The following KMT2C variants were observed in gnomAD, a reference collection of about 807,000 sequenced individuals.
KMT2C encodes histone-lysine N-methyltransferase 2C.
KMT2C carries 88 observed loss-of-function variants against 507.9 expected under a neutral mutation model. The ratio of observed to expected loss-of-function variants is 0.17; its 90% CI spans 0.15 to 0.21. The LOEUF (loss-of-function observed/expected upper bound fraction) is 0.21, where lower values mean the gene tolerates loss of function less well. Among genes scored for constraint, KMT2C ranks in the 10% least tolerant of loss-of-function variants. The pLI is 1.00. For missense variants in KMT2C, 4,954 were observed against 5,957.8 expected, an observed-to-expected ratio of 0.83 and a Z score of 5.55; for synonymous variants, 2,049 against 2,080.8, an observed-to-expected ratio of 0.98 and a Z score of 0.42.
chr7:152,151,869 T>C (rs931024043), intron 49 of KMT2C, among the ~76,000 whole-genome samples: 3 of 152,206 alleles, frequency 2.0e-5, no homozygotes, highest in Non-Finnish European at 4.4e-5. Flanking sequence ...TCAGTCTAAG[T>C]ACAAAGTAAG....
intron 31 of KMT2C, among the ~76,000 whole-genome samples, chr7:152,188,963 T>C (rs1178300786): frequency 1.3e-5 from 2 of 152,218 alleles, no homozygotes; most frequent in Non-Finnish European, 2.9e-5. Context: ...GTAAGCAATA[T>C]ATCTATCACT....
chr7:152,374,263 C>T (rs2097311814), intron 1 of KMT2C, among the ~76,000 whole-genome samples: 1 of 151,588 alleles, frequency 6.6e-6, no homozygotes, highest in Admixed American at 6.6e-5. Flanking sequence ...TTGCAGTGAC[C>T]CGAGATTGCA....
chr7:152,172,646 T>C (rs1435672567), intron 39 of KMT2C, among the ~76,000 whole-genome samples: 2 of 152,060 alleles, frequency 1.3e-5, no homozygotes, highest in Non-Finnish European at 2.9e-5. Context: ...CAGTGAGCCA[T>C]TGCACTCTAT....
intron 6 of KMT2C, among the ~76,000 whole-genome samples, chr7:152,279,359 TAAAG>T (rs2096156401): frequency 1.3e-5 from 2 of 152,140 alleles, no homozygotes; most frequent in Non-Finnish European, 2.9e-5. Flanking sequence ...ACTATAAGAC[TAAAG>T]AATTAAAATA....
chr7:152,339,953 C>T (rs909686290), intron 2 of KMT2C, among the ~76,000 whole-genome samples: 2 of 151,702 alleles, frequency 1.3e-5, no homozygotes, highest in African/African-American at 2.4e-5. Context: ...ACTAGTTATC[C>T]AAAAAATATG....
chr7:152,162,757 GTTC>G lies in KMT2C; in HGVS notation c.10817_10819del (p.Arg3606del). The G allele has an allele frequency of 6.2e-7, 1 of 1,614,120 alleles. No homozygotes were observed. Among genetic ancestry groups the G allele is most frequent in the Non-Finnish European group, 8.5e-7 (1 of 1,180,008 alleles). ...ATCATCATCTCTTTTCTTCTTTCTT[GTTC>G]TTTTCTTTTTCCCTTTTTCCTCTGG... On this transcript the variant is annotated inframe_deletion, in exon 43 of 59. Transcript: ENST00000262189.
chr7:152,158,887 A>T lies in KMT2C; in HGVS notation c.11646T>A (p.Thr3882=), dbSNP rs754710256. 1.9e-6 allele frequency: 3 copies of T among 1,614,160 alleles called. No individual in the cohort carries two copies. Among genetic ancestry groups the T allele is most frequent in the Non-Finnish European group, 2.5e-6 (3 of 1,179,976 alleles). ...EEEKQAMYSS[T]DTFTHLKQQN... is the part of the protein sequence containing the mutation. Reference sequence around the variant, plus strand: ...CCTGTTTCAAGTGGGTAAACGTGTCAGTGCTAGAGTACATAGCTTGTTTCT... The same window carrying T: ...CCTGTTTCAAGTGGGTAAACGTGTCTGTGCTAGAGTACATAGCTTGTTTCT... Residue 3882 remains threonine, a synonymous_variant, in exon 44 of 59, where the codon ACT becomes ACA. Coordinates refer to ENST00000262189, the MANE Select transcript of KMT2C (RefSeq NM_170606.3).
chr7:152,319,076 TA>T (rs2096747722), intron 3 of KMT2C, among the ~76,000 whole-genome samples: 2 of 152,158 alleles, frequency 1.3e-5, no homozygotes, highest in Non-Finnish European at 2.9e-5. Context: ...GTTTCAAGCA[TA>T]AAATTACTTA....
At chr7:152,274,048 G>A (rs1382084494) in intron 6 of KMT2C, among the ~76,000 whole-genome samples, 181 bp from the exon 7 acceptor site, 1 of 152,056 alleles carries the variant, frequency 6.6e-6, no homozygotes, top group Non-Finnish European at 1.5e-5. Flanking sequence ...TTAGCGCTTC[G>A]TGTGCTACCA....
intron 1 of KMT2C, among the ~76,000 whole-genome samples, chr7:152,388,044 T>A (rs1300167632): frequency 6.7e-6 from 1 of 150,260 alleles, no homozygotes; most frequent in African/African-American, 2.4e-5. Context: ...TCCCACATAA[T>A]CATGTTATGC....
chr7:152,177,857 A>G lies in KMT2C; in HGVS notation c.7596T>C (p.Asn2532=), dbSNP rs2129115522. 1 of 1,613,804 alleles carries G rather than the reference A, an allele frequency of 6.2e-7. No individual in the cohort carries two copies. Among genetic ancestry groups the G allele is most frequent in the Non-Finnish European group, 8.5e-7 (1 of 1,179,926 alleles). Residue 2532 remains asparagine (N), a synonymous_variant, in exon 38 of 59, where the codon AAT becomes AAC. Transcript: ENST00000262189. ...MPRPLNNSQM[N]NPVGLPQHFS... ...AATGCTGAGGAAGTCCAACTGGATT[A>G]TTCATTTGTGAGTTATTTAAAGGCC... is the stretch of plus-strand genomic sequence containing the variant.
At chr7:152,430,663 T>C (rs1257575965) in intron 1 of KMT2C, among the ~76,000 whole-genome samples, 2 of 152,202 alleles carry the variant, frequency 1.3e-5, no homozygotes, top group African/African-American at 4.8e-5. Context: ...TCCAGAGTAG[T>C]TGGGACTACA....
chr7:152,297,057 G>GAAAGAAAGAC (rs756980169), intron 6 of KMT2C, among the ~76,000 whole-genome samples: 1,227 of 90,090 alleles, frequency 0.014, 12 homozygotes, highest in Admixed American at 0.018. Context: ...AAGAAAGACA[G>GAAAGAAAGAC]AGAGAGAGAG....
intron 6 of KMT2C, among the ~76,000 whole-genome samples, chr7:152,291,531 T>G (rs2096427500): frequency 1.3e-5 from 2 of 152,310 alleles, no homozygotes; most frequent in South Asian, 4.1e-4. Flanking sequence ...CACTATCAAC[T>G]GTAACGCATC....
rs2129119362 is a variant in KMT2C at position 152,180,920 on chromosome 7, CAA to C, written c.6938_6939del (p.Phe2313TrpfsTer8). ...PMTPRSQSDS[F>X]GTSQTAHDVA... ...ACATCATGGGCAGTTTGACTTGTTCCAAAAGAGTCAGACTGAGATCTTGGAGT... is the reference window on the plus strand; with the variant it reads ...ACATCATGGGCAGTTTGACTTGTTCCAAGAGTCAGACTGAGATCTTGGAGT... On this transcript the variant is annotated frameshift_variant, in exon 36 of 59. Transcript: ENST00000262189. LOFTEE classifies it high-confidence loss of function. 1 of 1,614,138 alleles carries C rather than the reference CAA, an allele frequency of 6.2e-7. No homozygotes were observed. Among genetic ancestry groups the C allele is most frequent in the Non-Finnish European group, 8.5e-7 (1 of 1,180,022 alleles).
In KMT2C at chr7:152,148,452, T is replaced by C. The variant is rs2129095276; in HGVS notation, c.13475A>G (p.Gln4492Arg). The C allele has an allele frequency of 6.2e-7, 1 of 1,614,270 alleles. No homozygotes were observed. Among genetic ancestry groups the C allele is most frequent in the Non-Finnish European group, 8.5e-7 (1 of 1,180,054 alleles). Residue 4492 changes from glutamine (Q) to arginine (R), a missense_variant, in exon 52 of 59, where the codon CAA becomes CGA. This residue lies in a region of KMT2C where 221 missense variants were observed against 304.7 expected (regional missense o/e 0.73). Coordinates refer to ENST00000262189, the MANE Select transcript of KMT2C (RefSeq NM_170606.3). The surrounding 1 kb of genome is among the most constrained non-coding windows in gnomAD (Gnocchi z 7.1). The stretch of plus-strand genomic sequence containing the variant: ...AGTTTTGTCCTTAAAAAACATGCAT[T>C]GTGCTTTAATGGCGCAAGTGAAGTG... ...IYHFTCAIKA[Q>R]CMFFKDKTML...
chr7:152,306,468 C>T (rs1389470118), intron 6 of KMT2C, among the ~76,000 whole-genome samples: 1 of 152,188 alleles, frequency 6.6e-6, no homozygotes, highest in Non-Finnish European at 1.5e-5. Flanking sequence ...GCATGGTACT[C>T]CATTATATGG....
intron 1 of KMT2C, chr7:152,402,863 C>T (rs146806859): frequency 2.1e-5 from 3 of 145,226 alleles, no homozygotes; most frequent in Non-Finnish European, 4.5e-5. Context: ...CTCTTTACTC[C>T]CCTTTCACTA....
chr7:152,324,048 G>A (rs1164542393), intron 3 of KMT2C, among the ~76,000 whole-genome samples: 2 of 151,706 alleles, frequency 1.3e-5, no homozygotes, highest in Non-Finnish European at 2.9e-5. Context: ...GCAGGAAGAA[G>A]GAAATAGTAA....
Sources: allele counts gnomAD v4.1 joint callset (sites outside exome capture counted in the v4.1 genomes callset), GRCh38; gene constraint gnomAD v4.1.1; regional missense constraint gnomAD v4.1.1; non-coding constraint Gnocchi (gnomAD v3.1); transcripts MANE v1.5; gene names NCBI Gene and HGNC (gene_info 2026-07-23, HGNC 2026-07-21).